Variants in LGALS8 observed in about 807,000 individuals in gnomAD.
The protein encoded by LGALS8 is galectin 8, also known as galectin-8.
A neutral mutation model predicts 35.9 loss-of-function variants in LGALS8; 30 were observed. That is an observed-to-expected ratio of 0.83 (90% confidence interval 0.62 to 1.13). LGALS8 has a LOEUF of 1.13. Among genes scored for constraint, LGALS8 ranks in the 50% most tolerant of loss-of-function variants. The pLI, the probability that LGALS8 is intolerant of heterozygous loss-of-function variation, is 0.00. For missense variants in LGALS8, 366 were observed against 388.7 expected (o/e 0.94, Z 0.49); for synonymous variants, 138 against 136.1 (o/e 1.01, Z -0.10).
chr1:236,534,118 A>C (rs1011850187), intron 2 of LGALS8, among the ~76,000 whole-genome samples: 3 of 152,180 alleles, frequency 2.0e-5, no homozygotes, highest in African/African-American at 7.2e-5. Flanking sequence ...GGAAGTTCTA[A>C]TGGGCAGTTT....
intron 4 of LGALS8, 31 bp from the exon 5 acceptor site, chr1:236,540,532 CG>C (rs3216037): frequency 0.66 from 984,450 of 1,486,966 alleles, 331,061 homozygotes; most frequent in Non-Finnish European, 0.7. Context: ...TTTTTGGTGG[CG>C]GGGGGGGCTC....
In LGALS8 at chr1:236,544,773, G is replaced by T. The variant is rs769758662; in HGVS notation, c.662G>T (p.Gly221Val). The change falls in exon 9 of 10, where the codon GGA (glycine) becomes GTA (valine). Residue 221 changes from glycine to valine, a missense_variant. Physicochemically the swap from Gly to Val is moderately radical, Grantham distance 109. Transcript: ENST00000366584. ...AGCTTTAATGTTGACCTACTAGCAGGAAAATCAAAGGATATTGCTCTACAC... is the reference window on the plus strand; with the variant it reads ...AGCTTTAATGTTGACCTACTAGCAGTAAAATCAAAGGATATTGCTCTACAC... ...AKSFNVDLLAGKSKDIALHLN... is the reference protein window; with the variant it reads ...AKSFNVDLLAVKSKDIALHLN... The T allele has an allele frequency of 8.7e-6, 14 of 1,604,162 alleles. No individual in the cohort carries two copies. The Admixed American group carries it at 2.4e-4, about 28-fold the overall frequency.
intron 2 of LGALS8, among the ~76,000 whole-genome samples, chr1:236,536,889 CAGA>C (rs982869153): frequency 1.1e-4 from 16 of 151,496 alleles, no homozygotes; most frequent in African/African-American, 3.2e-4. Flanking sequence ...TCATATTAAG[CAGA>C]AGTTTTGCTT....
intron 2 of LGALS8, among the ~76,000 whole-genome samples, chr1:236,535,453 A>C (rs1054721552): frequency 2.0e-5 from 3 of 152,194 alleles, no homozygotes; most frequent in Admixed American, 6.5e-5. Flanking sequence ...ATATGGCTCT[A>C]TAGATTACTT....
intron 2 of LGALS8, among the ~76,000 whole-genome samples, chr1:236,532,067 G>A (rs1018901235): frequency 3.3e-5 from 5 of 152,144 alleles, no homozygotes; most frequent in African/African-American, 1.2e-4. Flanking sequence ...TTTTACTGGA[G>A]GCTGGTCACA....
intron 9 of LGALS8, among the ~76,000 whole-genome samples, chr1:236,545,423 G>GT (rs1488760407): frequency 6.6e-6 from 1 of 152,210 alleles, no homozygotes; most frequent in African/African-American, 2.4e-5. Flanking sequence ...GGTGAATATT[G>GT]TAACACATAC....
intron 6 of LGALS8, 127 bp downstream of exon 6, chr1:236,541,837 A>C (rs1270650274): frequency 5.3e-6 from 3 of 565,170 alleles, no homozygotes; most frequent in Non-Finnish European, 9.4e-6. Flanking sequence ...TCACTTGAAA[A>C]TTGAGATACA....
At chr1:236,522,467 A>C (rs983781122), upstream of LGALS8, among the ~76,000 whole-genome samples, 29 of 152,300 alleles carry the variant, frequency 1.9e-4, no homozygotes, top group African/African-American at 6.5e-4. Context: ...TTAGCTGGGC[A>C]TAGTGGTGTG....
rs2103067186 is a variant in LGALS8 at position 236,526,275 on chromosome 1, C to G, written c.45+160C>G. ...GTGGTGGGTGCTGATTACAAAACAGCTCTTGTCCTCTAGTGGAGGAAGAAG... is the reference window on the plus strand; with the variant it reads ...GTGGTGGGTGCTGATTACAAAACAGGTCTTGTCCTCTAGTGGAGGAAGAAG... On this transcript the variant is annotated intron_variant, in intron 2 of 9. Coordinates refer to ENST00000366584, the MANE Select transcript of LGALS8 (RefSeq NM_201544.4). This position sits in a 1 kb window ranked among gnomAD's most constrained non-coding sequence, Gnocchi z 4.6. 7 of 499,204 alleles carry G rather than the reference C, an allele frequency of 1.4e-5. No homozygotes were observed. In the East Asian group the frequency reaches 2.1e-4, roughly 15 times the overall value. 30.9% of individuals were successfully genotyped at this position (499,204 alleles called of 1,614,324 possible). A position where few individuals can be genotyped will look rare whatever the true frequency, so the allele number is the denominator to read the frequency against.
chr1:236,532,135 A>G (rs544707637), intron 2 of LGALS8, among the ~76,000 whole-genome samples: 1 of 152,320 alleles, frequency 6.6e-6, no homozygotes, highest in South Asian at 2.1e-4. Flanking sequence ...GCAGGTGTTT[A>G]GCATAACCAT....
At chr1:236,530,505 G>T (rs568428515) in intron 2 of LGALS8, among the ~76,000 whole-genome samples, 22 of 151,818 alleles carry the variant, frequency 1.4e-4, no homozygotes, top group Admixed American at 4.6e-4. Context: ...TGTCTTTACC[G>T]ATCACTCATA....
Position 236,550,711 on chromosome 1 carries a change from C to A in LGALS8, c.*2550C>A, listed in dbSNP as rs76933417. The A allele has an allele frequency of 1.8e-3, 944 of 525,180 alleles. 7 individuals are homozygous for A. The highest frequency in any genetic ancestry group is 0.016 in the African/African-American group (847 of 51,984). The allele number at this position is 525,180 out of a possible 1,614,324, so 32.5% of individuals were successfully genotyped here. A position where few individuals can be genotyped will look rare whatever the true frequency, so the allele number is the denominator to read the frequency against. ...CATTTACTCTTTCTGCAGCTCTATA[C>A]GATAGGCAGGAGAGGCTTATGTGGC... On this transcript the variant is annotated 3_prime_UTR_variant, in exon 10 of 10. Transcript: ENST00000366584.
rs746585861 is a variant in LGALS8 at position 236,543,081 on chromosome 1, T to TAAGTTGTAA, written c.549+295_549+303dup. On this transcript the variant is annotated intron_variant, in intron 7 of 9. Coordinates refer to ENST00000366584, the MANE Select transcript of LGALS8 (RefSeq NM_201544.4). Reference sequence around the variant, plus strand: ...AATTTTCTTAACTCTATATAAAAATTAAGTTGTAATGAGCTGTTACGAGTA... The same window carrying TAAGTTGTAA: ...AATTTTCTTAACTCTATATAAAAATTAAGTTGTAAAAGTTGTAATGAGCTGTTACGAGTA... The TAAGTTGTAA allele has an allele frequency of 5.8e-6, 9 of 1,564,274 alleles. No individual in the cohort carries two copies. The Admixed American group carries it at 8.3e-5, about 15-fold the overall frequency.
upstream of LGALS8, among the ~76,000 whole-genome samples, chr1:236,520,070 C>T (rs1660509408): frequency 6.6e-6 from 1 of 150,840 alleles, no homozygotes; most frequent in Non-Finnish European, 1.5e-5. Context: ...GATTCTCATG[C>T]CTCAGCCTCC....
chr1:236,542,647 A>G, intron 6 of LGALS8, 114 bp from the exon 7 acceptor site: 1 of 1,076,864 alleles, frequency 9.3e-7, no homozygotes, highest in Non-Finnish European at 1.4e-6. Context: ...ACCAGAGTGG[A>G]GCAGGAACAT....
In LGALS8 at chr1:236,542,786, T is replaced by C. The variant is rs200936592; in HGVS notation, c.548T>C (p.Leu183Pro). The change falls in exon 7 of 10, where the codon CTT (leucine) becomes CCT (proline). Residue 183 changes from leucine (L) to proline (P), a missense_variant and splice_region_variant. Coordinates refer to ENST00000366584, the MANE Select transcript of LGALS8 (RefSeq NM_201544.4). Reference sequence around the variant, plus strand: ...GTTCCAAAGTCTGGCACGCCCCAGCTTGTGAGTATTTTTGCCTGGGTTATT... The same window carrying C: ...GTTCCAAAGTCTGGCACGCCCCAGCCTGTGAGTATTTTTGCCTGGGTTATT... ...ENVPKSGTPQ[L>P]RLPFAARLNT... is the part of the protein sequence containing the mutation. 4.2e-5 allele frequency: 67 copies of C among 1,614,252 alleles called. No homozygotes were observed. The highest frequency in any genetic ancestry group is 2.2e-4 in the Admixed American group (13 of 60,032).
chr1:236,525,787 A>G (rs192947982), intron 1 of LGALS8, among the ~76,000 whole-genome samples, 181 bp from the exon 2 acceptor site: 1 of 152,314 alleles, frequency 6.6e-6, no homozygotes, highest in African/African-American at 2.4e-5. Flanking sequence ...TACACTCACA[A>G]TCCAAAATTA....
chr1:236,531,031 C>T (rs1661112461), intron 2 of LGALS8, among the ~76,000 whole-genome samples: 1 of 152,152 alleles, frequency 6.6e-6, no homozygotes, highest in South Asian at 2.1e-4. Flanking sequence ...ATGCATTTTA[C>T]CGTATAAACT....
At chr1:236,520,626 C>T (rs1011827594), upstream of LGALS8, among the ~76,000 whole-genome samples, 4 of 152,226 alleles carry the variant, frequency 2.6e-5, no homozygotes, top group African/African-American at 9.6e-5. Flanking sequence ...ACACTTGGCA[C>T]ACAGGCTGTT....
Sources: allele counts gnomAD v4.1 joint callset (sites outside exome capture counted in the v4.1 genomes callset), GRCh38; gene constraint gnomAD v4.1.1; non-coding constraint Gnocchi (gnomAD v3.1); transcripts MANE v1.5; gene names NCBI Gene and HGNC (gene_info 2026-07-23, HGNC 2026-07-21).